The following CREBL2 variants were observed in gnomAD, a reference collection of about 807,000 sequenced individuals.
The protein encoded by CREBL2 is cAMP-responsive element-binding protein-like 2.
In CREBL2, 4 loss-of-function variants were observed where a neutral mutation model predicts 19.5. The ratio of observed to expected loss-of-function variants is 0.20; its 90% CI spans 0.10 to 0.47. The LOEUF (loss-of-function observed/expected upper bound fraction) is 0.47. Among genes scored for constraint, CREBL2 ranks in the 20% least tolerant of loss-of-function variants. The pLI, the probability that CREBL2 is intolerant of heterozygous loss-of-function variation, is 0.98. For missense variants in CREBL2, 85 were observed against 145.1 expected, an observed-to-expected ratio of 0.59 and a Z score of 2.13; for synonymous variants, 42 against 46.6, an observed-to-expected ratio of 0.90 and a Z score of 0.40.
chr12:12,633,154 C>T (rs1945452908), intron 1 of CREBL2, among the ~76,000 whole-genome samples: 1 of 152,042 alleles, frequency 6.6e-6, no homozygotes, highest in Non-Finnish European at 1.5e-5. Flanking sequence ...CCAGGCTGGT[C>T]TCGAATTCCT....
At chr12:12,631,163 C>T (rs895929960) in intron 1 of CREBL2, among the ~76,000 whole-genome samples, 1 of 152,162 alleles carries the variant, frequency 6.6e-6, no homozygotes, top group Non-Finnish European at 1.5e-5. Context: ...TTTCAGAAAC[C>T]TTACTGATGT....
intron 1 of CREBL2, among the ~76,000 whole-genome samples, chr12:12,612,535 T>G (rs114059326): frequency 6.6e-6 from 1 of 152,188 alleles, no homozygotes; most frequent in Non-Finnish European, 1.5e-5. Context: ...TTGGAGACTT[T>G]AGTGCACGCT....
chr12:12,637,523 A>C, intron 2 of CREBL2, 47 bp from the exon 3 acceptor site: 2 of 1,178,048 alleles, frequency 1.7e-6, no homozygotes, highest in Non-Finnish European at 2.2e-6. Context: ...AGTTAATTTA[A>C]ATATGTTTTA....
intron 1 of CREBL2, among the ~76,000 whole-genome samples, chr12:12,626,941 G>T (rs1424389763): frequency 6.6e-6 from 1 of 151,918 alleles, no homozygotes; most frequent in Non-Finnish European, 1.5e-5. Flanking sequence ...GAAAAGTCAT[G>T]GAGGAGCCTT....
intron 1 of CREBL2, among the ~76,000 whole-genome samples, chr12:12,617,551 C>CA (rs1945319696): frequency 6.9e-6 from 1 of 145,782 alleles, no homozygotes; most frequent in South Asian, 2.3e-4. Context: ...AGTAGGCTCT[C>CA]AAAACACGTT....
At chr12:12,628,229 AT>A (rs1945417813) in intron 1 of CREBL2, among the ~76,000 whole-genome samples, 1 of 151,968 alleles carries the variant, frequency 6.6e-6, no homozygotes, top group East Asian at 1.9e-4. Flanking sequence ...AAAGTGATAT[AT>A]TTTGTGGTTT....
rs755787412 is a variant in CREBL2, at chr12:12,642,197, C to T, written c.*199C>T. The stretch of plus-strand genomic sequence containing the variant: ...TAACTTTCAACACTTAGAAAATCTA[C>T]AAACATTCAGACCTGTCTGGGTTGG... On this transcript the variant is annotated 3_prime_UTR_variant, in exon 4 of 4. Coordinates refer to ENST00000228865, the MANE Select transcript of CREBL2 (RefSeq NM_001310.4). 29 of 417,836 alleles carry T rather than the reference C, an allele frequency of 6.9e-5. No individual in the cohort carries two copies. Among genetic ancestry groups the T allele is most frequent in the African/African-American group, 1.0e-4 (5 of 48,728 alleles). The allele number at this position is 417,836 out of a possible 1,614,324, so 25.9% of individuals were successfully genotyped here.
At chr12:12,613,416 G>A (rs1192903019) in intron 1 of CREBL2, among the ~76,000 whole-genome samples, 1 of 152,112 alleles carries the variant, frequency 6.6e-6, no homozygotes, top group Non-Finnish European at 1.5e-5. Context: ...CTTTGTTTGG[G>A]TGTCTTTTTT....
intron 1 of CREBL2, among the ~76,000 whole-genome samples, chr12:12,627,526 G>GCTAT (rs1945411257): frequency 6.6e-6 from 1 of 152,140 alleles, no homozygotes; most frequent in Admixed American, 6.5e-5. Flanking sequence ...TGCTTTCAAG[G>GCTAT]CTATCAGTGT....
At chr12:12,617,816 G>C (rs1174951129) in intron 1 of CREBL2, among the ~76,000 whole-genome samples, 1 of 151,542 alleles carries the variant, frequency 6.6e-6, no homozygotes, top group African/African-American at 2.4e-5. Flanking sequence ...GGACCCTGCG[G>C]CCTTCCGCTG....
At chr12:12,619,347 T>C (rs1295244369) in intron 1 of CREBL2, among the ~76,000 whole-genome samples, 1 of 152,128 alleles carries the variant, frequency 6.6e-6, no homozygotes, top group East Asian at 1.9e-4. Flanking sequence ...TGGTGTCTCA[T>C]GCCTGTAATC....
chr12:12,637,733 A>G lies in CREBL2; in HGVS notation c.358+19A>G, dbSNP rs762167419. ...AATTCCTGTAAGTGCCATCAATGGGAGAATTTATATTTAAGAGAGTGTCTC... is the reference window on the plus strand; with the variant it reads ...AATTCCTGTAAGTGCCATCAATGGGGGAATTTATATTTAAGAGAGTGTCTC... On this transcript the variant is annotated intron_variant, in intron 3 of 3. Coordinates refer to ENST00000228865, the MANE Select transcript of CREBL2 (RefSeq NM_001310.4). 6.3e-7 allele frequency: 1 copy of G among 1,595,202 alleles called. No individual in the cohort carries two copies. Among genetic ancestry groups the G allele is most frequent in the Non-Finnish European group, 8.5e-7 (1 of 1,169,692 alleles).
chr12:12,617,710 C>A (rs914376909), intron 1 of CREBL2, among the ~76,000 whole-genome samples: 2 of 89,704 alleles, frequency 2.2e-5, no homozygotes, highest in African/African-American at 8.7e-5. Flanking sequence ...TTGGGTGTTT[C>A]TCAGAGAGGG....
chr12:12,628,093 G>A (rs1945416571), intron 1 of CREBL2, among the ~76,000 whole-genome samples: 1 of 152,036 alleles, frequency 6.6e-6, no homozygotes, highest in South Asian at 2.1e-4. Context: ...TGTTGGCCAG[G>A]ATGGTCTTGA....
intron 1 of CREBL2, among the ~76,000 whole-genome samples, chr12:12,631,360 T>A (rs1945441121): frequency 6.6e-6 from 1 of 152,204 alleles, no homozygotes; most frequent in Non-Finnish European, 1.5e-5. Context: ...AAATGGATAG[T>A]GGGTAAAGAG....
chr12:12,622,079 G>T (rs1482584073), intron 1 of CREBL2, among the ~76,000 whole-genome samples: 2 of 152,166 alleles, frequency 1.3e-5, no homozygotes, highest in Non-Finnish European at 2.9e-5. Flanking sequence ...AATCTCTTCA[G>T]ATATTACTTT....
chr12:12,629,536 G>A (rs1328460652), intron 1 of CREBL2, among the ~76,000 whole-genome samples: 1 of 151,952 alleles, frequency 6.6e-6, no homozygotes, highest in Non-Finnish European at 1.5e-5. Flanking sequence ...GAATTCTTTT[G>A]GATTGGATTT....
In CREBL2 at chr12:12,637,629, A is replaced by C; in HGVS notation, c.273A>C (p.Leu91=). Residue 91 remains leucine (L), a synonymous_variant, in exon 3 of 4, where the codon CTA becomes CTC. Coordinates refer to ENST00000228865, the MANE Select transcript of CREBL2 (RefSeq NM_001310.4). ...QGKIPSEIKA[L]LTGEEQNKSQ... ...AAATCCCTTCTGAAATAAAGGCCCT[A>C]CTCACTGGAGAAGAGCAGAACAAAT... is the stretch of plus-strand genomic sequence containing the variant. The C allele has an allele frequency of 1.2e-6, 2 of 1,613,284 alleles. No homozygotes were observed. The highest frequency in any genetic ancestry group is 1.1e-5 in the South Asian group (1 of 90,982).
At chr12:12,637,333 A>G (rs1307360754) in intron 2 of CREBL2, among the ~76,000 whole-genome samples, 1 of 152,128 alleles carries the variant, frequency 6.6e-6, no homozygotes, top group Non-Finnish European at 1.5e-5. Flanking sequence ...AGTACATCAA[A>G]GACAATTCAG....
Sources: gnomAD v4.1 joint callset for allele counts (sites outside exome capture counted in the v4.1 genomes callset) on GRCh38, gnomAD v4.1.1 for gene constraint, MANE v1.5 for transcripts, NCBI Gene and HGNC (gene_info 2026-07-23, HGNC 2026-07-21) for gene names.